NEGR1: variants seen among roughly 807,000 people sequenced by gnomAD.
NEGR1 encodes IgLON family member 4.
Under a neutral mutation model 40.9 loss-of-function variants are expected in NEGR1, and 10 were observed. The observed-to-expected ratio is 0.24, with a 90% CI of 0.15 to 0.42. The LOEUF (loss-of-function observed/expected upper bound fraction) is 0.42. Ranked by LOEUF, NEGR1 falls within the 10% of genes least tolerant of loss-of-function variation. NEGR1 has a pLI of 1.00. For synonymous variants in NEGR1, 185 were observed against 166.8 expected, an observed-to-expected ratio of 1.11 and a Z score of -0.84; for missense variants, 352 against 438.9, an observed-to-expected ratio of 0.80 and a Z score of 1.77.
intron 4 of NEGR1, among the ~76,000 whole-genome samples, chr1:71,651,115 T>G (rs1458170453): frequency 6.6e-6 from 1 of 152,124 alleles, no homozygotes; most frequent in African/African-American, 2.4e-5. Context: ...CTAAGACAAA[T>G]GAATTTAAAG....
chr1:72,014,435 T>C (rs1267723274), intron 1 of NEGR1, among the ~76,000 whole-genome samples: 1 of 152,036 alleles, frequency 6.6e-6, no homozygotes, highest in Non-Finnish European at 1.5e-5. Flanking sequence ...TTTAACTCAC[T>C]TGAAAAATGC....
chr1:72,214,726 C>G (rs534443009), intron 1 of NEGR1, among the ~76,000 whole-genome samples: 23 of 151,938 alleles, frequency 1.5e-4, no homozygotes, highest in Admixed American at 1.4e-3. Flanking sequence ...CACAAACAAA[C>G]AGCAAAACAT....
intron 6 of NEGR1, among the ~76,000 whole-genome samples, chr1:71,582,692 T>C (rs1264679501): frequency 1.3e-5 from 2 of 152,164 alleles, no homozygotes; most frequent in African/African-American, 4.8e-5. Flanking sequence ...ACTAAGATAA[T>C]ATTTTAAAAA....
At chr1:71,882,230 A>C (rs1168235683) in intron 2 of NEGR1, among the ~76,000 whole-genome samples, 1 of 152,120 alleles carries the variant, frequency 6.6e-6, no homozygotes, top group African/African-American at 2.4e-5. Flanking sequence ...CATTTGCTCC[A>C]TTCCATTTAA....
At chr1:71,530,897 A>ATG (rs951281067) in intron 6 of NEGR1, among the ~76,000 whole-genome samples, 21 of 150,892 alleles carry the variant, frequency 1.4e-4, no homozygotes, top group African/African-American at 4.6e-4. Context: ...GTGTGTGTGT[A>ATG]TGTGTGTGTG....
At chr1:71,959,826 A>G (rs1646149223) in intron 1 of NEGR1, among the ~76,000 whole-genome samples, 1 of 152,120 alleles carries the variant, frequency 6.6e-6, no homozygotes, top group Non-Finnish European at 1.5e-5. Context: ...TTGTGACTTG[A>G]AAACCCTTAA....
At chr1:71,917,079 A>C (rs925550232) in intron 2 of NEGR1, among the ~76,000 whole-genome samples, 1 of 152,144 alleles carries the variant, frequency 6.6e-6, no homozygotes, top group African/African-American at 2.4e-5. Context: ...TGTTTTATGT[A>C]ATAGAGAGGA....
intron 2 of NEGR1, among the ~76,000 whole-genome samples, chr1:71,844,782 G>C (rs1435444795): frequency 6.6e-6 from 1 of 152,146 alleles, no homozygotes; most frequent in Non-Finnish European, 1.5e-5. Context: ...GAGATTAAAG[G>C]AATGAGAGAA....
chr1:72,050,034 TG>T, intron 1 of NEGR1, among the ~76,000 whole-genome samples: 1 of 151,654 alleles, frequency 6.6e-6, no homozygotes, highest in East Asian at 1.9e-4. Context: ...GCTGCTTATA[TG>T]GGATTTTAAA....
chr1:71,776,292 G>C lies in NEGR1; in HGVS notation c.415C>G (p.Pro139Ala). ...TCATTTGAGATGTCATATATCTTAGGAGGAACTGAAATGACAAAATACGCA... is the reference window on the plus strand; with the variant it reads ...TCATTTGAGATGTCATATATCTTAGCAGGAACTGAAATGACAAAATACGCA... ...MQVHLTVQVPPKIYDISNDMT... is the reference protein window; with the variant it reads ...MQVHLTVQVPAKIYDISNDMT... Residue 139 changes from proline to alanine, a missense_variant, in exon 3 of 7, where the codon CCT becomes GCT. Pro to Ala is a conservative substitution (Grantham distance 27). Transcript: ENST00000357731. 1 of 1,571,074 alleles carries C rather than the reference G, an allele frequency of 6.4e-7. No individual in the cohort carries two copies. The highest frequency in any genetic ancestry group is 8.7e-7 in the Non-Finnish European group (1 of 1,154,396).
chr1:72,213,994 G>A (rs553922329), intron 1 of NEGR1, among the ~76,000 whole-genome samples: 2 of 152,182 alleles, frequency 1.3e-5, no homozygotes, highest in East Asian at 1.9e-4. Flanking sequence ...GAATCTAGCG[G>A]CACATCAAAA....
In NEGR1 at chr1:71,776,304, T is replaced by C. The variant is rs1656505300; in HGVS notation, c.410-7A>G. On this transcript the variant is annotated splice_polypyrimidine_tract_variant and splice_region_variant and intron_variant, in intron 2 of 6. Coordinates refer to ENST00000357731, the MANE Select transcript of NEGR1 (RefSeq NM_173808.3). The stretch of plus-strand genomic sequence containing the variant: ...TCATATATCTTAGGAGGAACTGAAA[T>C]GACAAAATACGCAGTGATTAGAAAA... 3 of 1,548,314 alleles carry C rather than the reference T, an allele frequency of 1.9e-6. No homozygotes were observed. Among genetic ancestry groups the C allele is most frequent in the African/African-American group, 2.8e-5 (2 of 72,630 alleles).
chr1:72,045,848 G>A lies in NEGR1; in HGVS notation c.177-110537C>T, dbSNP rs975661844. On this transcript the variant is annotated intron_variant, in intron 1 of 6. Transcript: ENST00000357731. ...AGAAAAAAATATGTAGTTTCATATG[G>A]AGTTATCTACAGAAATTTCGAAAGA... is the stretch of plus-strand genomic sequence containing the variant. 6.6e-5 allele frequency among the ~76,000 whole-genome samples: 10 copies of A among 151,700 alleles called. No individual in the cohort carries two copies. In the South Asian group the frequency reaches 1.7e-3, roughly 25 times the overall value.
intron 6 of NEGR1, among the ~76,000 whole-genome samples, chr1:71,559,873 G>T (rs1648387976): frequency 6.6e-6 from 1 of 150,986 alleles, no homozygotes; most frequent in South Asian, 2.1e-4. Flanking sequence ...CAAATGCTAT[G>T]CGTATTTCTT....
At chr1:71,567,835 G>T (rs199629178) in intron 6 of NEGR1, among the ~76,000 whole-genome samples, 18 of 148,702 alleles carry the variant, frequency 1.2e-4, no homozygotes, top group African/African-American at 3.2e-4. Context: ...ATGAGATTTT[G>T]TTTTTTTTTT....
chr1:71,487,473 A>G (rs1397056933), intron 6 of NEGR1, among the ~76,000 whole-genome samples: 1 of 151,634 alleles, frequency 6.6e-6, no homozygotes, highest in East Asian at 1.9e-4. Flanking sequence ...ACACATTGTT[A>G]TTCTAAATTC....
At chr1:71,995,674 G>T (rs1646498167) in intron 1 of NEGR1, among the ~76,000 whole-genome samples, 1 of 152,176 alleles carries the variant, frequency 6.6e-6, no homozygotes, top group East Asian at 1.9e-4. Context: ...ACATTTTCAA[G>T]AAAATGCTGA....
At chr1:72,248,575 T>TTTTTTATTATTATTA (rs376504975) in intron 1 of NEGR1, among the ~76,000 whole-genome samples, 6 of 132,962 alleles carry the variant, frequency 4.5e-5, no homozygotes, top group South Asian at 2.5e-4. Flanking sequence ...TCTATTTTTA[T>TTTTTTATTATTATTA]TTATTATTAT....
At chr1:72,071,420 C>A (rs955713554) in intron 1 of NEGR1, among the ~76,000 whole-genome samples, 1 of 151,962 alleles carries the variant, frequency 6.6e-6, no homozygotes, top group Non-Finnish European at 1.5e-5. Context: ...TAACAAGTAT[C>A]CCAAATTAGG....
Sources: allele counts gnomAD v4.1 joint callset (sites outside exome capture counted in the v4.1 genomes callset), GRCh38; gene constraint gnomAD v4.1.1; transcripts MANE v1.5; gene names NCBI Gene and HGNC (gene_info 2026-07-23, HGNC 2026-07-21).